TBC1D23: variants seen among roughly 807,000 people sequenced by gnomAD.
TBC1D23 encodes the protein HCV non-structural protein 4A-transactivated protein 1.
TBC1D23 carries 55 observed loss-of-function variants against 91.4 expected under a neutral mutation model. The observed-to-expected ratio is 0.60, with a 90% CI of 0.48 to 0.75. The LOEUF (loss-of-function observed/expected upper bound fraction) is 0.75, where lower values mean the gene tolerates loss of function less well. TBC1D23 is among the 30% of genes least tolerant of loss of function. The pLI, the probability that TBC1D23 is intolerant of heterozygous loss-of-function variation, is 0.00. For missense variants in TBC1D23, 725 were observed against 836.1 expected, an observed-to-expected ratio of 0.87 and a Z score of 1.64; for synonymous variants, 289 against 281.0, an observed-to-expected ratio of 1.03 and a Z score of -0.28.
intron 12 of TBC1D23, 42 bp from the exon 13 acceptor site, chr3:100,306,395 T>G: frequency 8.5e-7 from 1 of 1,180,600 alleles, no homozygotes; most frequent in Non-Finnish European, 1.2e-6. Context: ...CCAAAGAGTG[T>G]TGATATTTTA....
chr3:100,283,489 C>T, intron 3 of TBC1D23, 118 bp from the exon 4 acceptor site: 1 of 634,086 alleles, frequency 1.6e-6, no homozygotes, highest in Non-Finnish European at 2.8e-6. Context: ...CATGTAGTTT[C>T]ACTTTGTCTT....
At chr3:100,314,358 G>C (rs1705692543) in intron 15 of TBC1D23, among the ~76,000 whole-genome samples, 1 of 151,918 alleles carries the variant, frequency 6.6e-6, no homozygotes, top group Non-Finnish European at 1.5e-5. Context: ...GGATCTTTCG[G>C]CCTCCCAAAG....
chr3:100,301,408 G>A (rs571134315), intron 10 of TBC1D23, among the ~76,000 whole-genome samples: 1 of 152,108 alleles, frequency 6.6e-6, no homozygotes, highest in East Asian at 1.9e-4. Flanking sequence ...TGTGATTACC[G>A]ATGAGGTTGA....
chr3:100,264,596 C>T (rs1247156059), intron 1 of TBC1D23, among the ~76,000 whole-genome samples: 1 of 152,148 alleles, frequency 6.6e-6, no homozygotes, highest in Non-Finnish European at 1.5e-5. Context: ...CAAATTGTTG[C>T]TATGTTAAGT....
At chr3:100,263,578 T>C (rs1283376299) in intron 1 of TBC1D23, among the ~76,000 whole-genome samples, 1 of 152,158 alleles carries the variant, frequency 6.6e-6, no homozygotes, top group Non-Finnish European at 1.5e-5. Flanking sequence ...CCTGCAAGAA[T>C]GGCAAGAGAA....
At chr3:100,313,183 A>G (rs1344145402) in intron 15 of TBC1D23, among the ~76,000 whole-genome samples, 1 of 152,028 alleles carries the variant, frequency 6.6e-6, no homozygotes. Flanking sequence ...ATTACAATCT[A>G]TTTGTGAATC....
intron 18 of TBC1D23, among the ~76,000 whole-genome samples, chr3:100,322,392 C>T (rs1488200822): frequency 6.6e-6 from 1 of 152,104 alleles, no homozygotes; most frequent in East Asian, 1.9e-4. Context: ...CGTGCCCGGC[C>T]CAATAAATAT....
chr3:100,268,049 G>A (rs970595449), intron 1 of TBC1D23, among the ~76,000 whole-genome samples: 3 of 152,074 alleles, frequency 2.0e-5, no homozygotes, highest in Non-Finnish European at 4.4e-5. Flanking sequence ...GCACAAACCT[G>A]TAGTCCCAGC....
At chr3:100,301,931 A>G (rs1400244624) in intron 10 of TBC1D23, 136 bp from the exon 11 acceptor site, 1 of 620,466 alleles carries the variant, frequency 1.6e-6, no homozygotes, top group African/African-American at 1.9e-5. Flanking sequence ...GATTTTATTT[A>G]TAAGAGCCTT....
At chr3:100,278,899 A>G (rs1405786526) in intron 1 of TBC1D23, among the ~76,000 whole-genome samples, 1 of 152,090 alleles carries the variant, frequency 6.6e-6, no homozygotes, top group Non-Finnish European at 1.5e-5. Context: ...TTTCCCTCTA[A>G]CATTTATTTA....
intron 4 of TBC1D23, among the ~76,000 whole-genome samples, chr3:100,287,821 G>A (rs2067757032): frequency 6.6e-6 from 1 of 151,016 alleles, no homozygotes; most frequent in Admixed American, 6.6e-5. Flanking sequence ...ATCTTACTAT[G>A]TTGTCTAGGC....
chr3:100,323,125 A>G (rs991656483), intron 18 of TBC1D23, among the ~76,000 whole-genome samples: 4 of 152,142 alleles, frequency 2.6e-5, no homozygotes, highest in South Asian at 2.1e-4. Flanking sequence ...TACTTTTTAT[A>G]TAGGAATCTG....
intron 10 of TBC1D23, 41 bp from the exon 11 acceptor site, chr3:100,302,026 C>A: frequency 6.6e-7 from 1 of 1,512,392 alleles, no homozygotes; most frequent in Non-Finnish European, 8.9e-7. Context: ...ATATGTGAAA[C>A]ACAGGCTTGT....
intron 1 of TBC1D23, among the ~76,000 whole-genome samples, chr3:100,269,160 C>G (rs2067581214): frequency 6.6e-6 from 1 of 152,090 alleles, no homozygotes; most frequent in Non-Finnish European, 1.5e-5. Flanking sequence ...CTATTGCATA[C>G]AATGATGAAA....
At chr3:100,323,557 GTA>G (rs958279072) in intron 18 of TBC1D23, 28 bp from the exon 19 acceptor site, 1 of 1,059,384 alleles carries the variant, frequency 9.4e-7, no homozygotes, top group Non-Finnish European at 1.3e-6. Context: ...ATATATATAT[GTA>G]TATATATGTA....
chr3:100,272,618 C>T (rs2067608885), intron 1 of TBC1D23, among the ~76,000 whole-genome samples: 1 of 152,068 alleles, frequency 6.6e-6, no homozygotes, highest in Admixed American at 6.6e-5. Flanking sequence ...AGGGAACCAG[C>T]GTTCAGCATA....
chr3:100,288,410 T>C (rs1474850945), intron 4 of TBC1D23, among the ~76,000 whole-genome samples: 1 of 152,186 alleles, frequency 6.6e-6, no homozygotes, highest in Non-Finnish European at 1.5e-5. Flanking sequence ...GGGGGCAGTA[T>C]GGCATAATGA....
At chr3:100,278,252 A>T (rs1318656614) in intron 1 of TBC1D23, among the ~76,000 whole-genome samples, 1 of 152,216 alleles carries the variant, frequency 6.6e-6, no homozygotes, top group Non-Finnish European at 1.5e-5. Flanking sequence ...TCTGCCTTTT[A>T]GGCTGCTTCA....
At chr3:100,284,040 T>G (rs2067719844) in intron 4 of TBC1D23, 1 of 456,462 alleles carries the variant, frequency 2.2e-6, no homozygotes, top group African/African-American at 2.0e-5. Context: ...GGGTTGGAGT[T>G]GGGGAGGAAG....
Sources: allele counts gnomAD v4.1 joint callset (sites outside exome capture counted in the v4.1 genomes callset), GRCh38; gene constraint gnomAD v4.1.1; transcripts MANE v1.5; gene names NCBI Gene and HGNC (gene_info 2026-07-23, HGNC 2026-07-21).